GSE1: variants seen among roughly 807,000 people sequenced by gnomAD.
The protein encoded by GSE1 is Gse1 coiled-coil protein.
In GSE1, 32 loss-of-function variants were observed where a neutral mutation model predicts 112.6. The ratio of observed to expected loss-of-function variants is 0.28; its 90% CI spans 0.21 to 0.38. The LOEUF (loss-of-function observed/expected upper bound fraction) is 0.38, where lower values mean the gene tolerates loss of function less well. Ranked by LOEUF, GSE1 falls within the 10% of genes least tolerant of loss-of-function variation. The pLI is 1.00. For missense variants in GSE1, 2,348 were observed against 1,699.2 expected (o/e 1.38, Z -6.71); for synonymous variants, 1,115 against 735.6 (o/e 1.52, Z -8.35).
chr16:85,521,143 G>A (rs2052171551), intron 2 of GSE1, among the ~76,000 whole-genome samples: 2 of 152,104 alleles, frequency 1.3e-5, no homozygotes, highest in Admixed American at 1.3e-4. Context: ...GTGCTGGGAG[G>A]CCTTGGACTC....
intron 1 of GSE1, among the ~76,000 whole-genome samples, chr16:85,323,670 G>A (rs577086889): frequency 1.3e-5 from 2 of 152,302 alleles, no homozygotes; most frequent in East Asian, 3.9e-4. Flanking sequence ...ATTCTGGCCA[G>A]GCTGAGCAGT....
rs567368208 is a variant in GSE1 at position 85,642,997 on chromosome 16, A to C, written c.227-5555A>C. Among the ~76,000 whole-genome samples, 196 of 152,090 alleles carry C rather than the reference A, an allele frequency of 1.3e-3. 2 individuals carry two copies. In the South Asian group the frequency reaches 0.017, roughly 13 times the overall value. The stretch of plus-strand genomic sequence containing the variant: ...GCCTCTTAAAGACCGATGACTCTTC[A>C]GGGGGTGCCGGTGGTTTTTGCCTGG... On this transcript the variant is annotated intron_variant, in intron 2 of 15. Coordinates refer to ENST00000253458, the MANE Select transcript of GSE1 (RefSeq NM_014615.5).
At chr16:85,305,900 G>T (rs2045664709) in intron 1 of GSE1, among the ~76,000 whole-genome samples, 1 of 152,104 alleles carries the variant, frequency 6.6e-6, no homozygotes, top group African/African-American at 2.4e-5. Flanking sequence ...GACCAGCCTG[G>T]CCAACATGGT....
chr16:85,278,459 A>C (rs1909591071), intron 1 of GSE1, among the ~76,000 whole-genome samples: 1 of 152,240 alleles, frequency 6.6e-6, no homozygotes, highest in Non-Finnish European at 1.5e-5. Flanking sequence ...AGGTTTTAAA[A>C]AAATCATTTG....
intron 9 of GSE1, among the ~76,000 whole-genome samples, chr16:85,662,037 A>AT (rs2052477734): frequency 6.6e-6 from 1 of 152,242 alleles, no homozygotes; most frequent in Non-Finnish European, 1.5e-5. Context: ...TCCGCAGACA[A>AT]GCATGATGAA....
chr16:85,525,196 C>T (rs2052325510), intron 2 of GSE1, among the ~76,000 whole-genome samples: 1 of 152,148 alleles, frequency 6.6e-6, no homozygotes, highest in African/African-American at 2.4e-5. Context: ...CCGGGGAGGG[C>T]ACCTTGGCAG....
chr16:85,422,307 C>T (rs1185057354), intron 2 of GSE1, among the ~76,000 whole-genome samples: 2 of 152,130 alleles, frequency 1.3e-5, no homozygotes, highest in South Asian at 2.1e-4. Flanking sequence ...ATCCTCCCCG[C>T]ACAGGCGAGG....
At chr16:85,432,200 C>T (rs1157528055) in intron 2 of GSE1, among the ~76,000 whole-genome samples, 3 of 152,248 alleles carry the variant, frequency 2.0e-5, no homozygotes, top group East Asian at 1.9e-4. Context: ...AATGGATTGC[C>T]GTGCTTCCAG....
intron 1 of GSE1, among the ~76,000 whole-genome samples, chr16:85,585,133 C>G (rs2046630113): frequency 6.6e-6 from 1 of 152,362 alleles, no homozygotes; most frequent in Middle Eastern, 3.4e-3. Flanking sequence ...CCGTTTGCCG[C>G]TTTCCACCTG....
chr16:85,536,003 C>T (rs1200956859), intron 2 of GSE1, among the ~76,000 whole-genome samples: 1 of 152,340 alleles, frequency 6.6e-6, no homozygotes, highest in South Asian at 2.1e-4. Context: ...ATGGAAGACA[C>T]AGTAAGGGCT....
intron 13 of GSE1, 109 bp from the exon 14 acceptor site, chr16:85,668,031 C>A (rs1351482077): frequency 1.2e-6 from 1 of 809,072 alleles, no homozygotes; most frequent in Non-Finnish European, 2.0e-6. Context: ...TCCCCGGAGC[C>A]CTGCAGTCAT....
intron 1 of GSE1, among the ~76,000 whole-genome samples, chr16:85,614,763 C>G (rs1451277266): frequency 6.6e-6 from 1 of 152,246 alleles, no homozygotes; most frequent in African/African-American, 2.4e-5. Flanking sequence ...CCCTTGCTCC[C>G]CGCTGCGGTG....
intron 1 of GSE1, chr16:85,306,314 G>C (rs1395107948): frequency 1.9e-5 from 3 of 154,298 alleles, no homozygotes; most frequent in African/African-American, 7.2e-5. Flanking sequence ...TCTGGCATGT[G>C]GACCTGGCGG....
intron 1 of GSE1, among the ~76,000 whole-genome samples, chr16:85,229,828 G>A (rs948137233): frequency 6.6e-6 from 1 of 152,224 alleles, no homozygotes; most frequent in African/African-American, 2.4e-5. Flanking sequence ...CGAGATAGCT[G>A]CCACGGCTCC....
At chr16:85,566,381 T>A (rs1044298847) in intron 1 of GSE1, among the ~76,000 whole-genome samples, 14 of 152,280 alleles carry the variant, frequency 9.2e-5, no homozygotes, top group African/African-American at 3.4e-4. Context: ...AAGTTCTGAA[T>A]AAGTAAAGAA....
intron 1 of GSE1, among the ~76,000 whole-genome samples, chr16:85,557,312 T>C (rs1354070732): frequency 6.6e-6 from 1 of 152,142 alleles, no homozygotes; most frequent in African/African-American, 2.4e-5. Context: ...GTGTGACTGC[T>C]GGTTCTAGGA....
intron 2 of GSE1, among the ~76,000 whole-genome samples, chr16:85,399,597 CT>C (rs1361942562): frequency 6.6e-6 from 1 of 152,182 alleles, no homozygotes; most frequent in Non-Finnish European, 1.5e-5. Context: ...TGCCTGCTTT[CT>C]TTGCCTGTAA....
intron 1 of GSE1, among the ~76,000 whole-genome samples, chr16:85,309,237 C>T (rs2045763323): frequency 6.6e-6 from 1 of 152,144 alleles, no homozygotes. Flanking sequence ...CCATGGCTCA[C>T]ACCTGTAATC....
chr16:85,639,384 A>G (rs76093689), intron 2 of GSE1, among the ~76,000 whole-genome samples: 1 of 152,054 alleles, frequency 6.6e-6, no homozygotes. Context: ...AACCACCCCC[A>G]TAGGCATCTG....
Sources: gnomAD v4.1 joint callset for allele counts (sites outside exome capture counted in the v4.1 genomes callset) on GRCh38, gnomAD v4.1.1 for gene constraint, MANE v1.5 for transcripts, NCBI Gene and HGNC (gene_info 2026-07-23, HGNC 2026-07-21) for gene names.